Variants in TRAPPC5 observed in about 807,000 individuals in gnomAD.
The protein encoded by TRAPPC5 is trafficking protein particle complex subunit 5.
In TRAPPC5, 5 loss-of-function variants were observed where a neutral mutation model predicts 9.8. The ratio of observed to expected loss-of-function variants is 0.51; its 90% confidence interval spans 0.27 to 1.07. The LOEUF (loss-of-function observed/expected upper bound fraction) is 1.07. Ranked by LOEUF, TRAPPC5 falls within the 50% of genes least tolerant of loss-of-function variation. TRAPPC5 has a pLI of 0.12. For synonymous variants in TRAPPC5, 146 were observed against 140.7 expected, an observed-to-expected ratio of 1.04 and a Z score of -0.26; for missense variants, 243 against 291.5, an observed-to-expected ratio of 0.83 and a Z score of 1.21.
rs1416579304 is a variant in TRAPPC5, at chr19:7,682,299, G to T, written c.46G>T (p.Ala16Ser). The T allele has an allele frequency of 2.7e-6, 4 of 1,473,350 alleles. No individual in the cohort carries two copies. The highest frequency in any genetic ancestry group is 1.5e-5 in the African/African-American group (1 of 67,014). 91.3% of individuals were successfully genotyped at this position (1,473,350 alleles called of 1,614,324 possible). The change falls in exon 2 of 2, where the codon GCG becomes TCG. Residue 16 changes from alanine to serine, a missense_variant. By Grantham distance (99) the Ala-to-Ser change is moderately conservative. Transcript: ENST00000596148. The surrounding 1 kb of genome is among the most constrained non-coding windows in gnomAD (Gnocchi z 8.6). ...TRGKSALLER[A>S]LARPRTEVSL... ...CGGGAAGTCGGCGCTGCTGGAGCGC[G>T]CGCTGGCGCGGCCGCGCACCGAGGT...
rs755266552 is a variant in TRAPPC5 at position 7,682,547 on chromosome 19, C to T, written c.294C>T (p.Phe98=). The change falls in exon 2 of 2, where the codon TTC becomes TTT. Residue 98 remains phenylalanine, a synonymous_variant. Coordinates refer to ENST00000596148, the MANE Select transcript of TRAPPC5 (RefSeq NM_001042462.2). The surrounding 1 kb of genome is among the most constrained non-coding windows in gnomAD (Gnocchi z 8.6). ...AGGGCGCCGTGTGGAAGGCGCTCTT[C>T]GGCAAGGAGGCGGACAAGCTGGAGC... ...FVKGAVWKAL[F]GKEADKLEQA... 1.7e-5 allele frequency: 28 copies of T among 1,612,730 alleles called. No individual in the cohort carries two copies. In the Admixed American group the frequency reaches 4.0e-4, roughly 23 times the overall value.
At position 7,683,090 on chromosome 19, in the gene TRAPPC5, T is replaced by G; in HGVS notation, c.*270T>G. ...AGGTTCTGGAATCACGGTTGGAGGCTGTCTGCAGGCTGGAGGGGGCATGGG... is the reference window on the plus strand; with the variant it reads ...AGGTTCTGGAATCACGGTTGGAGGCGGTCTGCAGGCTGGAGGGGGCATGGG... On this transcript the variant is annotated 3_prime_UTR_variant, in exon 2 of 2. Transcript: ENST00000596148. 1 of 495,494 alleles carries G rather than the reference T, an allele frequency of 2.0e-6. No homozygotes were observed. 30.7% of individuals were successfully genotyped at this position (495,494 alleles called of 1,614,324 possible).
Position 7,686,372 on chromosome 19 carries a change from C to T in TRAPPC5, c.*3552C>T, listed in dbSNP as rs1427011277. ...CTCTGGGCTGCAAGGAAGGTCTTCC[C>T]CTGGACCCTCCAGGTGGGTGGGTGA... On this transcript the variant is annotated 3_prime_UTR_variant, in exon 2 of 2. Coordinates refer to ENST00000596148, the MANE Select transcript of TRAPPC5 (RefSeq NM_001042462.2). 3.3e-5 allele frequency: 5 copies of T among 152,394 alleles called. No individual in the cohort carries two copies. The highest frequency in any genetic ancestry group is 2.4e-5 in the African/African-American group (1 of 41,400). The allele number at this position is 152,394 out of a possible 1,614,324, so 9.4% of individuals were successfully genotyped here. A position where few individuals can be genotyped will look rare whatever the true frequency, so the allele number is the denominator to read the frequency against.
chr19:7,682,196 C>G lies in TRAPPC5; in HGVS notation c.-12-46C>G, dbSNP rs1306752367. 2.9e-6 allele frequency: 4 copies of G among 1,356,172 alleles called. No homozygotes were observed. The highest frequency in any genetic ancestry group is 3.8e-6 in the Non-Finnish European group (4 of 1,056,038). The allele number at this position is 1,356,172 out of a possible 1,614,324, so 84.0% of individuals were successfully genotyped here. A position where few individuals can be genotyped will look rare whatever the true frequency, so the allele number is the denominator to read the frequency against. ...TCCCTCCTTTCCTCCCGGCCTGCTC[C>G]CCTTCCCATTGCCCCTGACACCTGC... On this transcript the variant is annotated intron_variant, in intron 1 of 1. Transcript: ENST00000596148. The surrounding 1 kb of genome is among the most constrained non-coding windows in gnomAD (Gnocchi z 8.6).
chr19:7,683,132 C>T lies in TRAPPC5; in HGVS notation c.*312C>T. On this transcript the variant is annotated 3_prime_UTR_variant, in exon 2 of 2. Transcript: ENST00000596148. ...GGGCATGGGGTCCTGGGAGACGCATCAGGCTGAGACAGACGCCTTTAGACT... is the reference window on the plus strand; with the variant it reads ...GGGCATGGGGTCCTGGGAGACGCATTAGGCTGAGACAGACGCCTTTAGACT... 1 of 401,116 alleles carries T rather than the reference C, an allele frequency of 2.5e-6. No homozygotes were observed. Among genetic ancestry groups the T allele is most frequent in the Non-Finnish European group, 4.5e-6 (1 of 220,900 alleles). 24.8% of individuals were successfully genotyped at this position (401,116 alleles called of 1,614,324 possible). A position where few individuals can be genotyped will look rare whatever the true frequency, so the allele number is the denominator to read the frequency against.
Position 7,687,340 on chromosome 19 carries a change from T to C in TRAPPC5, c.*4520T>C, listed in dbSNP as rs2032733935. 6.6e-6 allele frequency: 1 copy of C among 152,502 alleles called. No individual in the cohort carries two copies. Among genetic ancestry groups the C allele is most frequent in the Non-Finnish European group, 1.5e-5 (1 of 68,288 alleles). 9.4% of individuals were successfully genotyped at this position (152,502 alleles called of 1,614,324 possible). ...AGAGGAGTGTGGAGAGGGGACCCTG[T>C]GCTCCTGGCCTCCCTCCCGTGGCCT... On this transcript the variant is annotated 3_prime_UTR_variant, in exon 2 of 2. Transcript: ENST00000596148.
In TRAPPC5 at chr19:7,682,731, G is replaced by A; in HGVS notation, c.478G>A (p.Val160Ile). ...CACACACAGCGGCTTCCCTGCCAAG[G>A]TCACGGCGCACTGGCACAAGGGCAC... ...VLTHSGFPAKVTAHWHKGTTL... is the reference protein window; with the variant it reads ...VLTHSGFPAKITAHWHKGTTL... The change falls in exon 2 of 2, where the codon GTC (valine) becomes ATC (isoleucine). Residue 160 changes from valine (V) to isoleucine (I), a missense_variant. Coordinates refer to ENST00000596148, the MANE Select transcript of TRAPPC5 (RefSeq NM_001042462.2). The surrounding 1 kb of genome is among the most constrained non-coding windows in gnomAD (Gnocchi z 8.6). 1 of 1,612,424 alleles carries A rather than the reference G, an allele frequency of 6.2e-7. No individual in the cohort carries two copies. Among genetic ancestry groups the A allele is most frequent in the Non-Finnish European group, 8.5e-7 (1 of 1,179,380 alleles).
At position 7,682,385 on chromosome 19, in the gene TRAPPC5, C is replaced by T. The variant is rs1335394331; in HGVS notation, c.132C>T (p.Val44=). 2 of 1,573,318 alleles carry T rather than the reference C, an allele frequency of 1.3e-6. No individual in the cohort carries two copies. The highest frequency in any genetic ancestry group is 1.7e-6 in the Non-Finnish European group (2 of 1,160,030). Reference sequence around the variant, plus strand: ...TGGTACAGCACTGCCAGAGCCGCGTCTTCTCCGTGGCCGAGCTGCAGTCGC... The same window carrying T: ...TGGTACAGCACTGCCAGAGCCGCGTTTTCTCCGTGGCCGAGCTGCAGTCGC... ...SELVQHCQSR[V]FSVAELQSRL... Residue 44 remains valine, a synonymous_variant, in exon 2 of 2, where the codon GTC becomes GTT. Transcript: ENST00000596148. This position sits in a 1 kb window ranked among gnomAD's most constrained non-coding sequence, Gnocchi z 8.6.
At position 7,682,962 on chromosome 19, in the gene TRAPPC5, G is replaced by A; in HGVS notation, c.*142G>A. ...GAGGCCAGGTCCGAATGTGTTTACAGTAGAGTGGGGGCGGGTCTGGCCATA... is the reference window on the plus strand; with the variant it reads ...GAGGCCAGGTCCGAATGTGTTTACAATAGAGTGGGGGCGGGTCTGGCCATA... On this transcript the variant is annotated 3_prime_UTR_variant, in exon 2 of 2. Transcript: ENST00000596148. This position sits in a 1 kb window ranked among gnomAD's most constrained non-coding sequence, Gnocchi z 8.6. The A allele has an allele frequency of 1.1e-6, 1 of 940,912 alleles. No homozygotes were observed. 58.3% of individuals were successfully genotyped at this position (940,912 alleles called of 1,614,324 possible).
chr19:7,682,165 C>G lies in TRAPPC5; in HGVS notation c.-12-77C>G. On this transcript the variant is annotated intron_variant, in intron 1 of 1. Coordinates refer to ENST00000596148, the MANE Select transcript of TRAPPC5 (RefSeq NM_001042462.2). This position sits in a 1 kb window ranked among gnomAD's most constrained non-coding sequence, Gnocchi z 8.6. Reference sequence around the variant, plus strand: ...GTCGAGGGTGTCCCAGGGCCCCTCGCGGTTCTCCCTCCTTTCCTCCCGGCC... The same window carrying G: ...GTCGAGGGTGTCCCAGGGCCCCTCGGGGTTCTCCCTCCTTTCCTCCCGGCC... 1 of 1,236,530 alleles carries G rather than the reference C, an allele frequency of 8.1e-7. No individual in the cohort carries two copies. The highest frequency in any genetic ancestry group is 1.1e-6 in the Non-Finnish European group (1 of 948,258). 76.6% of individuals were successfully genotyped at this position (1,236,530 alleles called of 1,614,324 possible).
Position 7,683,142 on chromosome 19 carries a change from CAG to C in TRAPPC5, c.*324_*325del. 1 of 384,184 alleles carries C rather than the reference CAG, an allele frequency of 2.6e-6. No homozygotes were observed. Among genetic ancestry groups the C allele is most frequent in the Non-Finnish European group, 4.7e-6 (1 of 210,832 alleles). The allele number at this position is 384,184 out of a possible 1,614,324, so 23.8% of individuals were successfully genotyped here. On this transcript the variant is annotated 3_prime_UTR_variant, in exon 2 of 2. Transcript: ENST00000596148. Reference sequence around the variant, plus strand: ...TCCTGGGAGACGCATCAGGCTGAGACAGACGCCTTTAGACTGGGGGTGGGCAA... The same window carrying C: ...TCCTGGGAGACGCATCAGGCTGAGACACGCCTTTAGACTGGGGGTGGGCAA...
In TRAPPC5 at chr19:7,683,896, C is replaced by G. The variant is rs2032684849; in HGVS notation, c.*1076C>G. On this transcript the variant is annotated 3_prime_UTR_variant, in exon 2 of 2. Coordinates refer to ENST00000596148, the MANE Select transcript of TRAPPC5 (RefSeq NM_001042462.2). ...TCTCCTCACCTCGTGATCTGCCCACCTCGGCTTCCCAAAGTGCTGGGATTA... is the reference window on the plus strand; with the variant it reads ...TCTCCTCACCTCGTGATCTGCCCACGTCGGCTTCCCAAAGTGCTGGGATTA... 1 of 151,588 alleles carries G rather than the reference C, an allele frequency of 6.6e-6. No individual in the cohort carries two copies. The allele number at this position is 151,588 out of a possible 1,614,324, so 9.4% of individuals were successfully genotyped here. A position where few individuals can be genotyped will look rare whatever the true frequency, so the allele number is the denominator to read the frequency against.
chr19:7,682,383 G>T lies in TRAPPC5; in HGVS notation c.130G>T (p.Val44Phe). ...GCTGGTACAGCACTGCCAGAGCCGC[G>T]TCTTCTCCGTGGCCGAGCTGCAGTC... is the stretch of plus-strand genomic sequence containing the variant. ...SELVQHCQSRVFSVAELQSRL... is the reference protein window; with the variant it reads ...SELVQHCQSRFFSVAELQSRL... The change falls in exon 2 of 2, where the codon GTC becomes TTC. Residue 44 changes from valine (V) to phenylalanine (F), a missense_variant. Coordinates refer to ENST00000596148, the MANE Select transcript of TRAPPC5 (RefSeq NM_001042462.2). This position sits in a 1 kb window ranked among gnomAD's most constrained non-coding sequence, Gnocchi z 8.6. The T allele has an allele frequency of 6.4e-7, 1 of 1,572,104 alleles. No homozygotes were observed. The highest frequency in any genetic ancestry group is 1.2e-5 in the South Asian group (1 of 86,634).
chr19:7,682,737 G>A lies in TRAPPC5; in HGVS notation c.484G>A (p.Ala162Thr), dbSNP rs778093207. The part of the protein sequence containing the change: ...THSGFPAKVT[A>T]HWHKGTTLMI... ...CAGCGGCTTCCCTGCCAAGGTCACG[G>A]CGCACTGGCACAAGGGCACCACGCT... is the stretch of plus-strand genomic sequence containing the variant. The change falls in exon 2 of 2, where the codon GCG (alanine) becomes ACG (threonine). Residue 162 changes from alanine to threonine, a missense_variant. Around this residue, in one of 2 missense-constraint regions of TRAPPC5, gnomAD observed 154 missense variants for 215.8 expected, o/e 0.71. Transcript: ENST00000596148. This position sits in a 1 kb window ranked among gnomAD's most constrained non-coding sequence, Gnocchi z 8.6. The A allele has an allele frequency of 6.2e-7, 1 of 1,612,292 alleles. No homozygotes were observed. Among genetic ancestry groups the A allele is most frequent in the East Asian group, 2.2e-5 (1 of 44,796 alleles).
rs571209842 is a variant in TRAPPC5, at chr19:7,684,491, G to A, written c.*1671G>A. 6.6e-6 allele frequency: 1 copy of A among 152,504 alleles called. No homozygotes were observed. Among genetic ancestry groups the A allele is most frequent in the Non-Finnish European group, 1.5e-5 (1 of 68,262 alleles). The allele number at this position is 152,504 out of a possible 1,614,324, so 9.4% of individuals were successfully genotyped here. Reference sequence around the variant, plus strand: ...CAACCCGGGAGGTGGAGGTTGCAGTGAGCCGAGATTGCACCATTGCACTCC... The same window carrying A: ...CAACCCGGGAGGTGGAGGTTGCAGTAAGCCGAGATTGCACCATTGCACTCC... On this transcript the variant is annotated 3_prime_UTR_variant, in exon 2 of 2. Coordinates refer to ENST00000596148, the MANE Select transcript of TRAPPC5 (RefSeq NM_001042462.2).
rs990134208 is a variant in TRAPPC5 at position 7,680,877 on chromosome 19, T to G, written c.-14T>G. ...CGGCCGAGCAGACTGCTGCGGTTCC[T>G]GGTGAGACCCTACCCACCCCCCTGC... On this transcript the variant is annotated splice_region_variant and 5_prime_UTR_variant, in exon 1 of 2. Coordinates refer to ENST00000596148, the MANE Select transcript of TRAPPC5 (RefSeq NM_001042462.2). 2 of 152,294 alleles carry G rather than the reference T, an allele frequency of 1.3e-5. No homozygotes were observed. The highest frequency in any genetic ancestry group is 4.8e-5 in the African/African-American group (2 of 41,452). 9.4% of individuals were successfully genotyped at this position (152,294 alleles called of 1,614,324 possible).
In TRAPPC5 at chr19:7,681,950, C is replaced by T. The variant is rs1365259247; in HGVS notation, c.-12-292C>T. Among the ~76,000 whole-genome samples the T allele has an allele frequency of 1.3e-5, 2 of 152,122 alleles. No homozygotes were observed. The highest frequency in any genetic ancestry group is 4.1e-4 in the South Asian group (2 of 4,826). On this transcript the variant is annotated intron_variant, in intron 1 of 1. Coordinates refer to ENST00000596148, the MANE Select transcript of TRAPPC5 (RefSeq NM_001042462.2). This position sits in a 1 kb window ranked among gnomAD's most constrained non-coding sequence, Gnocchi z 8.7. ...TGCATGCCCGAGGGTTGGGTGGTTT[C>T]GGCCTCCTCTTCTGTTCCCCCTCGT...
In TRAPPC5 at chr19:7,684,819, T is replaced by C. The variant is rs2032697764; in HGVS notation, c.*1999T>C. 1.3e-5 allele frequency: 2 copies of C among 152,024 alleles called. No homozygotes were observed. Among genetic ancestry groups the C allele is most frequent in the East Asian group, 3.9e-4 (2 of 5,182 alleles). The allele number at this position is 152,024 out of a possible 1,614,324, so 9.4% of individuals were successfully genotyped here. A position where few individuals can be genotyped will look rare whatever the true frequency, so the allele number is the denominator to read the frequency against. ...AAGTTAATTTTAAAGTCCAGGATGA[T>C]ACAAACACATTTCCCTTGTTAAAAA... On this transcript the variant is annotated 3_prime_UTR_variant, in exon 2 of 2. Transcript: ENST00000596148.
rs113765639 is a variant in TRAPPC5 at position 7,687,141 on chromosome 19, G to A, written c.*4321G>A. 10,189 of 152,636 alleles carry A rather than the reference G, an allele frequency of 0.067. 381 individuals are homozygous for A. Among genetic ancestry groups the A allele is most frequent in the Non-Finnish European group, 0.082 (5,615 of 68,262 alleles). 9.5% of individuals were successfully genotyped at this position (152,636 alleles called of 1,614,324 possible). A position where few individuals can be genotyped will look rare whatever the true frequency, so the allele number is the denominator to read the frequency against. ...AAGGGGGCAGTGAAGAGAGAGCCCC[G>A]GGCGGAGGTGACTGCTCCAGTCGAG... On this transcript the variant is annotated 3_prime_UTR_variant, in exon 2 of 2. Transcript: ENST00000596148.
Sources: gnomAD v4.1 joint callset for allele counts (sites outside exome capture counted in the v4.1 genomes callset) on GRCh38, gnomAD v4.1.1 for gene constraint, gnomAD v4.1.1 regional missense constraint, Gnocchi (gnomAD v3.1) non-coding constraint, MANE v1.5 for transcripts, NCBI Gene and HGNC (gene_info 2026-07-23, HGNC 2026-07-21) for gene names.